Variants in PPFIBP1 observed in about 807,000 individuals in gnomAD.
The protein encoded by PPFIBP1 is PPFIB scaffold protein 1.
In PPFIBP1, 112 loss-of-function variants were observed where a neutral mutation model predicts 137.8. That is an observed-to-expected ratio of 0.81 (90% CI 0.70 to 0.95). The LOEUF (loss-of-function observed/expected upper bound fraction) is 0.95, where lower values mean the gene tolerates loss of function less well. Among genes scored for constraint, PPFIBP1 ranks in the 40% least tolerant of loss-of-function variants. The pLI, the probability that PPFIBP1 is intolerant of heterozygous loss-of-function variation, is 0.00. For missense variants in PPFIBP1, 1,083 were observed against 1,196.6 expected (o/e 0.91, Z 1.40); for synonymous variants, 378 against 417.3 (o/e 0.91, Z 1.15).
At chr12:27,595,248 A>G (rs1449839122) in intron 2 of PPFIBP1, among the ~76,000 whole-genome samples, 2 of 152,044 alleles carry the variant, frequency 1.3e-5, no homozygotes, top group Non-Finnish European at 2.9e-5. Flanking sequence ...GCGCGCGCGC[A>G]CAAACACACA....
In PPFIBP1 at chr12:27,528,061, G is replaced by C. The variant is rs117182563; in HGVS notation, c.-124+3696G>C. 9.0e-3 allele frequency among the ~76,000 whole-genome samples: 1,362 copies of C among 151,882 alleles called. 9 individuals carry two copies. Among genetic ancestry groups the C allele is most frequent in the Non-Finnish European group, 0.014 (962 of 67,932 alleles). On this transcript the variant is annotated intron_variant, in intron 1 of 29. Coordinates refer to ENST00000228425, the MANE Select transcript of PPFIBP1 (RefSeq NM_003622.4). ...CTTCCCGGGTTCAAATGATTCTCAT[G>C]CCTCAGGGTCCCAGTTAGCTAGGAT...
chr12:27,670,022 G>A (rs989558186), intron 13 of PPFIBP1, among the ~76,000 whole-genome samples: 2 of 152,174 alleles, frequency 1.3e-5, no homozygotes. Context: ...GCGTGTAGAA[G>A]GGTGTTCACT....
At chr12:27,592,179 C>T (rs1294209824) in intron 2 of PPFIBP1, among the ~76,000 whole-genome samples, 2 of 152,166 alleles carry the variant, frequency 1.3e-5, no homozygotes, top group Non-Finnish European at 2.9e-5. Flanking sequence ...CAGAGAGGCT[C>T]AGGTTGGAAT....
At chr12:27,592,942 C>T (rs1405508102) in intron 2 of PPFIBP1, among the ~76,000 whole-genome samples, 1 of 151,916 alleles carries the variant, frequency 6.6e-6, no homozygotes, top group Non-Finnish European at 1.5e-5. Flanking sequence ...GAGGTCGAGA[C>T]AAGCCTGGCC....
intron 2 of PPFIBP1, among the ~76,000 whole-genome samples, chr12:27,617,115 T>A (rs2055845640): frequency 6.6e-6 from 1 of 152,174 alleles, no homozygotes; most frequent in Admixed American, 6.5e-5. Context: ...AGGGCAGGAA[T>A]TGAAGCATCC....
intron 2 of PPFIBP1, among the ~76,000 whole-genome samples, chr12:27,626,659 T>G (rs550467970): frequency 6.6e-6 from 1 of 152,046 alleles, no homozygotes; most frequent in South Asian, 2.1e-4. Context: ...CTCTGCCTCC[T>G]GGGTTCAAGC....
rs2061645538 is a variant in PPFIBP1 at position 27,693,001 on chromosome 12, T to C, written c.*119T>C. The C allele has an allele frequency of 1.4e-6, 2 of 1,432,920 alleles. No individual in the cohort carries two copies. The highest frequency in any genetic ancestry group is 1.5e-5 in the South Asian group (1 of 65,556). The allele number at this position is 1,432,920 out of a possible 1,614,324, so 88.8% of individuals were successfully genotyped here. On this transcript the variant is annotated 3_prime_UTR_variant, in exon 30 of 30. Coordinates refer to ENST00000228425, the MANE Select transcript of PPFIBP1 (RefSeq NM_003622.4). Reference sequence around the variant, plus strand: ...TATTGTTTGTTGTTCCAACTTCTGCTGTCGAGAAGTTTAAACAGAAAGCAG... The same window carrying C: ...TATTGTTTGTTGTTCCAACTTCTGCCGTCGAGAAGTTTAAACAGAAAGCAG...
intron 4 of PPFIBP1, among the ~76,000 whole-genome samples, chr12:27,645,745 C>A (rs1371038879): frequency 1.3e-5 from 2 of 152,178 alleles, no homozygotes; most frequent in African/African-American, 2.4e-5. Flanking sequence ...TACATACTCA[C>A]AAAGCTTTGC....
In PPFIBP1 at chr12:27,672,430, T is replaced by G. The variant is rs2060258831; in HGVS notation, c.1266T>G (p.Asp422Glu). The G allele has an allele frequency of 6.2e-7, 1 of 1,606,004 alleles. No homozygotes were observed. Among genetic ancestry groups the G allele is most frequent in the Admixed American group, 1.7e-5 (1 of 59,874 alleles). Residue 422 changes from aspartate (D) to glutamate (E), a missense_variant, in exon 15 of 30, where the codon GAT becomes GAG. Physicochemically the swap from Asp to Glu is conservative, Grantham distance 45. Coordinates refer to ENST00000228425, the MANE Select transcript of PPFIBP1 (RefSeq NM_003622.4). ...CCTTTTGTTCTTTACATTTTAGTGA[T>G]GGAAACATAATCCTTGGTGCCACTG... is the stretch of plus-strand genomic sequence containing the variant. ...PKPETSFEEN[D>E]GNIILGATVD...
At chr12:27,592,235 A>G (rs967196501) in intron 2 of PPFIBP1, among the ~76,000 whole-genome samples, 1 of 152,198 alleles carries the variant, frequency 6.6e-6, no homozygotes, top group African/African-American at 2.4e-5. Context: ...GAGGATGAAT[A>G]TGCAATGGAG....
rs779392635 is a variant in PPFIBP1 at position 27,592,533 on chromosome 12, T to C, written c.-36+14294T>C. 1.6e-4 allele frequency: 197 copies of C among 1,250,716 alleles called. 1 individual carries two copies. The Middle Eastern group carries it at 2.1e-3, about 13-fold the overall frequency. The allele number at this position is 1,250,716 out of a possible 1,614,324, so 77.5% of individuals were successfully genotyped here. ...CTCTGTGAAAGAATCGTTTCCTTGG[T>C]GCTGGCTGACGGGGACTCTTGGTGG... On this transcript the variant is annotated intron_variant, in intron 2 of 29. Transcript: ENST00000228425.
intron 27 of PPFIBP1, among the ~76,000 whole-genome samples, chr12:27,690,000 C>G (rs2061433526): frequency 6.6e-6 from 1 of 152,172 alleles, no homozygotes; most frequent in Admixed American, 6.5e-5. Context: ...CCCCTCCTCT[C>G]TGCTCAAATG....
chr12:27,572,498 G>T (rs946807718), intron 1 of PPFIBP1, among the ~76,000 whole-genome samples: 1 of 152,180 alleles, frequency 6.6e-6, no homozygotes, highest in Non-Finnish European at 1.5e-5. Context: ...TATTGGCAAA[G>T]AAAGCAAGCC....
intron 2 of PPFIBP1, among the ~76,000 whole-genome samples, chr12:27,623,361 G>A (rs540251366): frequency 2.6e-5 from 4 of 152,252 alleles, no homozygotes; most frequent in South Asian, 2.1e-4. Context: ...ATTGTGGATA[G>A]CAAGGCTAAT....
intron 1 of PPFIBP1, among the ~76,000 whole-genome samples, chr12:27,541,190 G>A (rs188043890): frequency 1.6e-4 from 24 of 152,124 alleles, no homozygotes; most frequent in African/African-American, 5.8e-4. Flanking sequence ...GGATAAATGG[G>A]CCTGAAGTGC....
intron 1 of PPFIBP1, among the ~76,000 whole-genome samples, chr12:27,540,630 G>T (rs1945549231): frequency 6.6e-6 from 1 of 152,178 alleles, no homozygotes; most frequent in Non-Finnish European, 1.5e-5. Flanking sequence ...CAAAAGGATT[G>T]GATATGTGTG....
intron 1 of PPFIBP1, among the ~76,000 whole-genome samples, chr12:27,531,136 C>T (rs937542901): frequency 3.3e-5 from 5 of 152,090 alleles, no homozygotes; most frequent in Non-Finnish European, 5.9e-5. Flanking sequence ...GACTTTGGAG[C>T]CATGCAGATC....
At chr12:27,613,929 C>T (rs997601415) in intron 2 of PPFIBP1, among the ~76,000 whole-genome samples, 3 of 152,132 alleles carry the variant, frequency 2.0e-5, no homozygotes, top group Non-Finnish European at 4.4e-5. Context: ...TCCCCACACA[C>T]GTCCATACAG....
chr12:27,682,848 A>T, intron 24 of PPFIBP1, 145 bp downstream of exon 24: 1 of 1,358,642 alleles, frequency 7.4e-7, no homozygotes, highest in Non-Finnish European at 9.9e-7. Context: ...TGGCAGGCAT[A>T]TTTCCCATGA....
Sources: allele counts gnomAD v4.1 joint callset (sites outside exome capture counted in the v4.1 genomes callset), GRCh38; gene constraint gnomAD v4.1.1; transcripts MANE v1.5; gene names NCBI Gene and HGNC (gene_info 2026-07-23, HGNC 2026-07-21).